The following CSNK1G1 variants were observed in gnomAD, a reference collection of about 807,000 sequenced individuals.
CSNK1G1 encodes casein kinase 1 gamma 1.
A neutral mutation model predicts 59.6 loss-of-function variants in CSNK1G1; 22 were observed. That is an observed-to-expected ratio of 0.37 (90% confidence interval 0.26 to 0.53). CSNK1G1 has a LOEUF of 0.53. Among genes scored for constraint, CSNK1G1 ranks in the 20% least tolerant of loss-of-function variants. The pLI, the probability that CSNK1G1 is intolerant of heterozygous loss-of-function variation, is 0.89. For synonymous variants in CSNK1G1, 179 were observed against 177.1 expected, an observed-to-expected ratio of 1.01 and a Z score of -0.08; for missense variants, 384 against 519.5, an observed-to-expected ratio of 0.74 and a Z score of 2.54.
At chr15:64,226,605 A>ACTCAG (rs1248271244) in intron 4 of CSNK1G1, among the ~76,000 whole-genome samples, 1 of 151,974 alleles carries the variant, frequency 6.6e-6, no homozygotes, top group East Asian at 1.9e-4. Flanking sequence ...AAGGAGACTA[A>ACTCAG]CTCAGCTCAG....
chr15:64,251,320 T>C (rs1172337724), intron 4 of CSNK1G1, 192 bp downstream of exon 4: 3 of 512,252 alleles, frequency 5.9e-6, no homozygotes, highest in African/African-American at 1.9e-5. Context: ...GCAACACAGT[T>C]CCCCTGTCAA....
chr15:64,185,537 C>T (rs888340221), intron 10 of CSNK1G1, among the ~76,000 whole-genome samples: 2 of 152,012 alleles, frequency 1.3e-5, no homozygotes, highest in South Asian at 2.1e-4. Context: ...AAAAGAGTTG[C>T]CAAAGACACC....
intron 1 of CSNK1G1, among the ~76,000 whole-genome samples, chr15:64,307,512 A>G (rs1435424768): frequency 1.3e-5 from 2 of 152,090 alleles, no homozygotes; most frequent in Non-Finnish European, 2.9e-5. Flanking sequence ...CCAGGAGTTC[A>G]AGACCAGCCT....
chr15:64,219,607 T>C (rs944246443), intron 4 of CSNK1G1, among the ~76,000 whole-genome samples: 4 of 152,028 alleles, frequency 2.6e-5, no homozygotes, highest in Admixed American at 2.0e-4. Flanking sequence ...CACAGGCACA[T>C]GACACCACAT....
At chr15:64,196,857 C>T (rs1053179548) in intron 10 of CSNK1G1, among the ~76,000 whole-genome samples, 1 of 151,800 alleles carries the variant, frequency 6.6e-6, no homozygotes, top group Non-Finnish European at 1.5e-5. Flanking sequence ...AGCTGCCAAA[C>T]AGAGGCAAAA....
intron 4 of CSNK1G1, among the ~76,000 whole-genome samples, chr15:64,219,054 C>G (rs1351405354): frequency 6.6e-6 from 1 of 151,936 alleles, no homozygotes; most frequent in East Asian, 1.9e-4. Context: ...AGCGTTCCCC[C>G]ATGTTGGCCA....
intron 6 of CSNK1G1, 56 bp downstream of exon 6, chr15:64,213,834 G>T: frequency 8.3e-7 from 1 of 1,206,192 alleles, no homozygotes; most frequent in South Asian, 1.3e-5. Flanking sequence ...TAATGTTACA[G>T]AAATAATAAA....
chr15:64,225,479 G>A (rs2140282141), intron 4 of CSNK1G1, among the ~76,000 whole-genome samples: 1 of 152,298 alleles, frequency 6.6e-6, no homozygotes, highest in Middle Eastern at 3.4e-3. Context: ...CCATAGGTGA[G>A]ATGCCTCTGA....
At chr15:64,277,731 ATAT>A (rs1277666775) in intron 2 of CSNK1G1, among the ~76,000 whole-genome samples, 1 of 130,128 alleles carries the variant, frequency 7.7e-6, no homozygotes, top group Non-Finnish European at 1.5e-5. Context: ...ATTTAATAAT[ATAT>A]TAATATTGAT....
intron 1 of CSNK1G1, among the ~76,000 whole-genome samples, chr15:64,351,239 A>G (rs1898267380): frequency 6.6e-6 from 1 of 152,244 alleles, no homozygotes; most frequent in Non-Finnish European, 1.5e-5. Flanking sequence ...GGACTTTTTA[A>G]TAACATTTTC....
rs941893248 is a variant in CSNK1G1 at position 64,349,318 on chromosome 15, C to T, written c.-225+6670G>A. The stretch of plus-strand genomic sequence containing the variant: ...AGCATTTTGATGGAGACATCAAACT[C>T]GGCACCCAGGCTTCTCCCTTTTCGT... On this transcript the variant is annotated intron_variant, in intron 1 of 11. Coordinates refer to ENST00000303052, the MANE Select transcript of CSNK1G1 (RefSeq NM_022048.5). Among the ~76,000 whole-genome samples, 10 of 152,160 alleles carry T rather than the reference C, an allele frequency of 6.6e-5. No homozygotes were observed. In the East Asian group the frequency reaches 1.9e-3, roughly 29 times the overall value.
intron 4 of CSNK1G1, among the ~76,000 whole-genome samples, chr15:64,219,359 AT>A (rs1193614896): frequency 2.0e-5 from 3 of 152,216 alleles, no homozygotes; most frequent in Non-Finnish European, 4.4e-5. Context: ...CTATATAAGG[AT>A]TTAATGCCAC....
intron 4 of CSNK1G1, among the ~76,000 whole-genome samples, chr15:64,235,432 T>A (rs2082602441): frequency 6.6e-6 from 1 of 152,184 alleles, no homozygotes; most frequent in Admixed American, 6.5e-5. Flanking sequence ...CATGTATCAG[T>A]AAAATGAAAT....
At chr15:64,303,341 A>G (rs969156508) in intron 1 of CSNK1G1, among the ~76,000 whole-genome samples, 8 of 151,364 alleles carry the variant, frequency 5.3e-5, no homozygotes, top group African/African-American at 1.7e-4. Flanking sequence ...TTGGCTGGGC[A>G]TGGTGGCTCA....
chr15:64,233,882 T>G (rs2082580847), intron 4 of CSNK1G1, among the ~76,000 whole-genome samples: 1 of 152,210 alleles, frequency 6.6e-6, no homozygotes, highest in Non-Finnish European at 1.5e-5. Context: ...TCCTATTTTT[T>G]TCTTCACAAA....
intron 2 of CSNK1G1, among the ~76,000 whole-genome samples, chr15:64,283,640 C>T (rs1056038365): frequency 6.6e-6 from 1 of 152,006 alleles, no homozygotes; most frequent in Non-Finnish European, 1.5e-5. Context: ...CACACCAACG[C>T]ACCCAGCTAA....
At chr15:64,203,655 C>T (rs1466803919) in intron 9 of CSNK1G1, among the ~76,000 whole-genome samples, 1 of 141,792 alleles carries the variant, frequency 7.1e-6, no homozygotes, top group Non-Finnish European at 1.5e-5. Context: ...TGAGTTCACA[C>T]CATTGCACTC....
At chr15:64,268,726 T>G (rs1187463913) in intron 2 of CSNK1G1, among the ~76,000 whole-genome samples, 1 of 152,196 alleles carries the variant, frequency 6.6e-6, no homozygotes, top group African/African-American at 2.4e-5. Flanking sequence ...TGTGGGTGTG[T>G]GTGTCAGCAT....
chr15:64,309,347 CACACAAAT>C (rs1466307358), intron 1 of CSNK1G1, among the ~76,000 whole-genome samples: 13 of 103,056 alleles, frequency 1.3e-4, no homozygotes, highest in East Asian at 3.6e-4. Flanking sequence ...CACACACACA[CACACAAAT>C]AAATGAGTTC....
Sources: gnomAD v4.1 joint callset for allele counts (sites outside exome capture counted in the v4.1 genomes callset) on GRCh38, gnomAD v4.1.1 for gene constraint, MANE v1.5 for transcripts, NCBI Gene and HGNC (gene_info 2026-07-23, HGNC 2026-07-21) for gene names.